ZNF354B: variants seen among roughly 807,000 people sequenced by gnomAD.
The protein encoded by ZNF354B is zinc finger protein 354B.
Under a neutral mutation model 12.9 loss-of-function variants are expected in ZNF354B, and 10 were observed. That is an observed-to-expected ratio of 0.77 (90% CI 0.48 to 1.31). The LOEUF (loss-of-function observed/expected upper bound fraction) is 1.31. ZNF354B is among the 40% of genes most tolerant of loss of function. ZNF354B has a pLI of 0.00. For missense variants in ZNF354B, 614 were observed against 711.7 expected, an observed-to-expected ratio of 0.86 and a Z score of 1.56; for synonymous variants, 260 against 243.7, an observed-to-expected ratio of 1.07 and a Z score of -0.62.
At position 178,883,534 on chromosome 5, in the gene ZNF354B, A is replaced by G; in HGVS notation, c.1082A>G (p.Asn361Ser). 1 of 1,614,138 alleles carries G rather than the reference A, an allele frequency of 6.2e-7. No homozygotes were observed. Among genetic ancestry groups the G allele is most frequent in the Non-Finnish European group, 8.5e-7 (1 of 1,179,994 alleles). Residue 361 changes from asparagine (N) to serine (S), a missense_variant, in exon 5 of 5, where the codon AAC (asparagine) becomes AGC (serine). By Grantham distance (46) the Asn-to-Ser change is conservative (BLOSUM62 1). Transcript: ENST00000322434. ...TCCTACTTATGTAATGAATGTGGCA[A>G]CACCTTTAAGTCTAGCTCATCCCTT... Reference protein sequence around the residue: ...KKSYLCNECGNTFKSSSSLRY... With the variant: ...KKSYLCNECGSTFKSSSSLRY...
At chr5:178,866,628 AG>A (rs1757462204) in intron 3 of ZNF354B, among the ~76,000 whole-genome samples, 1 of 152,142 alleles carries the variant, frequency 6.6e-6, no homozygotes. Context: ...CTCATAGTTC[AG>A]GCAGCATTTT....
At chr5:178,870,395 G>C (rs996597979) in intron 4 of ZNF354B, among the ~76,000 whole-genome samples, 3 of 152,146 alleles carry the variant, frequency 2.0e-5, no homozygotes, top group African/African-American at 7.2e-5. Context: ...TTGTGCTTCA[G>C]CCTCTCCGGT....
At chr5:178,863,647 T>C (rs1188803864) in intron 2 of ZNF354B, among the ~76,000 whole-genome samples, 1 of 152,266 alleles carries the variant, frequency 6.6e-6, no homozygotes, top group East Asian at 1.9e-4. Flanking sequence ...GCTTGTTTTT[T>C]AAAAAGTTAA....
At chr5:178,878,889 C>T (rs376700421) in intron 4 of ZNF354B, among the ~76,000 whole-genome samples, 6 of 151,616 alleles carry the variant, frequency 4.0e-5, no homozygotes, top group South Asian at 2.1e-4. Flanking sequence ...TTAGTAGAGA[C>T]GGGGTTTCAC....
chr5:178,868,807 C>T (rs1185986706), intron 4 of ZNF354B, among the ~76,000 whole-genome samples: 10 of 151,988 alleles, frequency 6.6e-5, no homozygotes, highest in African/African-American at 2.2e-4. Flanking sequence ...CCCGTCTCTA[C>T]TAAAAATACA....
intron 2 of ZNF354B, among the ~76,000 whole-genome samples, chr5:178,862,524 G>A (rs534968459): frequency 2.6e-5 from 4 of 152,076 alleles, no homozygotes; most frequent in Admixed American, 6.5e-5. Flanking sequence ...GTGCCACCAC[G>A]CCCGGCTAAT....
At chr5:178,863,703 G>A (rs1757397724) in intron 2 of ZNF354B, among the ~76,000 whole-genome samples, 1 of 152,170 alleles carries the variant, frequency 6.6e-6, no homozygotes, top group South Asian at 2.1e-4. Context: ...GCAGAAGAAA[G>A]CTTTGTTCTC....
In ZNF354B at chr5:178,882,933, G is replaced by A; in HGVS notation, c.481G>A (p.Val161Ile). ...TACTGTAGATAGAAGCCATAAAAAT[G>A]TTGAATTTGGCCAAAACTTCTACCT... ...ILTVDRSHKN[V>I]EFGQNFYLKS... Residue 161 changes from valine to isoleucine, a missense_variant, in exon 5 of 5, where the codon GTT becomes ATT. Physicochemically the swap from Val to Ile is conservative, Grantham distance 29. Coordinates refer to ENST00000322434, the MANE Select transcript of ZNF354B (RefSeq NM_058230.3). 2 of 1,600,282 alleles carry A rather than the reference G, an allele frequency of 1.2e-6. No homozygotes were observed. The highest frequency in any genetic ancestry group is 1.4e-5 in the African/African-American group (1 of 74,014).
intron 4 of ZNF354B, among the ~76,000 whole-genome samples, chr5:178,872,406 T>G (rs1385371471): frequency 6.6e-6 from 1 of 152,204 alleles, no homozygotes; most frequent in African/African-American, 2.4e-5. Flanking sequence ...ATCTGGATTA[T>G]TTACAGTTTT....
At position 178,866,350 on chromosome 5, in the gene ZNF354B, A is replaced by G. The variant is rs1328351324; in HGVS notation, c.140A>G (p.Tyr47Cys). The G allele has an allele frequency of 3.1e-6, 5 of 1,613,772 alleles. No individual in the cohort carries two copies. Among genetic ancestry groups the G allele is most frequent in the South Asian group, 2.2e-5 (2 of 91,048 alleles). ...TACCGGGATGTGATGCTGGAGAACTATAGGAACCTGGTCTCACTGGGTAAG... is the reference window on the plus strand; with the variant it reads ...TACCGGGATGTGATGCTGGAGAACTGTAGGAACCTGGTCTCACTGGGTAAG... ...NLYRDVMLEN[Y>C]RNLVSLGLSF... is the part of the protein sequence containing the mutation. Residue 47 changes from tyrosine (Y) to cysteine (C), a missense_variant, in exon 3 of 5, where the codon TAT becomes TGT. Physicochemically the swap from Tyr to Cys is radical, Grantham distance 194 (BLOSUM62 -2). Coordinates refer to ENST00000322434, the MANE Select transcript of ZNF354B (RefSeq NM_058230.3).
intron 4 of ZNF354B, among the ~76,000 whole-genome samples, chr5:178,874,501 C>G (rs145015993): frequency 2.0e-5 from 3 of 152,170 alleles, no homozygotes; most frequent in African/African-American, 7.2e-5. Flanking sequence ...AGACTTTGAG[C>G]TCTGAGATTT....
chr5:178,871,453 G>A (rs142179593), intron 4 of ZNF354B, among the ~76,000 whole-genome samples: 14 of 152,288 alleles, frequency 9.2e-5, no homozygotes, highest in African/African-American at 2.9e-4. Flanking sequence ...CAGCCCCCAC[G>A]CCATCTCCTC....
At chr5:178,869,788 T>G (rs1457683907) in intron 4 of ZNF354B, among the ~76,000 whole-genome samples, 1 of 152,076 alleles carries the variant, frequency 6.6e-6, no homozygotes, top group Non-Finnish European at 1.5e-5. Flanking sequence ...TTGCTCTTGG[T>G]GGGATGACCT....
chr5:178,872,755 A>G (rs1757582618), intron 4 of ZNF354B, among the ~76,000 whole-genome samples: 1 of 152,152 alleles, frequency 6.6e-6, no homozygotes, highest in Non-Finnish European at 1.5e-5. Context: ...GACATAGTTC[A>G]TGTGCTTATT....
intron 4 of ZNF354B, among the ~76,000 whole-genome samples, chr5:178,879,809 T>C (rs1323267324): frequency 6.6e-6 from 1 of 152,230 alleles, no homozygotes; most frequent in Non-Finnish European, 1.5e-5. Flanking sequence ...AGTTTTGTTA[T>C]GGAAAAGTTC....
intron 4 of ZNF354B, among the ~76,000 whole-genome samples, chr5:178,872,395 C>T (rs1220727752): frequency 6.6e-6 from 1 of 152,132 alleles, no homozygotes. Context: ...CCTTGTTGGA[C>T]ATCTGGATTA....
chr5:178,870,541 A>G (rs1269040033), intron 4 of ZNF354B, among the ~76,000 whole-genome samples: 4 of 152,122 alleles, frequency 2.6e-5, no homozygotes, highest in African/African-American at 4.8e-5. Flanking sequence ...CAGCCTCCCA[A>G]AAGGCTGGGA....
intron 2 of ZNF354B, among the ~76,000 whole-genome samples, 189 bp from the exon 3 acceptor site, chr5:178,866,055 C>G (rs185701498): frequency 2.5e-4 from 38 of 152,338 alleles, no homozygotes; most frequent in African/African-American, 9.1e-4. Context: ...TGCACTAGGC[C>G]TGAATCTCAC....
At chr5:178,876,396 C>T (rs1757638967) in intron 4 of ZNF354B, among the ~76,000 whole-genome samples, 2 of 152,204 alleles carry the variant, frequency 1.3e-5, no homozygotes, top group African/African-American at 4.8e-5. Flanking sequence ...AGGGCTGTGG[C>T]ACAGCAAAAA....
Sources: gnomAD v4.1 joint callset for allele counts (sites outside exome capture counted in the v4.1 genomes callset) on GRCh38, gnomAD v4.1.1 for gene constraint, MANE v1.5 for transcripts, NCBI Gene and HGNC (gene_info 2026-07-23, HGNC 2026-07-21) for gene names.